ASCC3: variants seen among roughly 807,000 people sequenced by gnomAD.
The protein encoded by ASCC3 is activating signal cointegrator 1 complex subunit 3, also known as ASC-1 complex subunit P200.
A neutral mutation model predicts 256.3 loss-of-function variants in ASCC3; 158 were observed. The ratio of observed to expected loss-of-function variants is 0.62; its 90% CI spans 0.54 to 0.70. The LOEUF (loss-of-function observed/expected upper bound fraction) is 0.70. Ranked by LOEUF, ASCC3 falls within the 30% of genes least tolerant of loss-of-function variation. The pLI is 0.00. For synonymous variants in ASCC3, 948 were observed against 883.4 expected, an observed-to-expected ratio of 1.07 and a Z score of -1.30; for missense variants, 2,259 against 2,626.0, an observed-to-expected ratio of 0.86 and a Z score of 3.05.
intron 36 of ASCC3, among the ~76,000 whole-genome samples, chr6:100,543,707 T>C (rs2114670221): frequency 6.6e-6 from 1 of 151,480 alleles, no homozygotes; most frequent in East Asian, 1.9e-4. Context: ...TCAAAATCCA[T>C]GAAAAAAAAC....
chr6:100,732,032 G>T (rs547524799), intron 10 of ASCC3, among the ~76,000 whole-genome samples: 73 of 151,918 alleles, frequency 4.8e-4, no homozygotes, highest in Admixed American at 5.2e-4. Flanking sequence ...ATGGTGGTAG[G>T]CGCCTGTAAT....
At chr6:100,826,383 G>T (rs969600861) in intron 4 of ASCC3, among the ~76,000 whole-genome samples, 1 of 151,950 alleles carries the variant, frequency 6.6e-6, no homozygotes. Flanking sequence ...TGCCTGCCTC[G>T]GCCTCCCAAA....
intron 37 of ASCC3, among the ~76,000 whole-genome samples, chr6:100,527,396 T>C (rs1774630074): frequency 6.6e-6 from 1 of 152,224 alleles, no homozygotes. Flanking sequence ...ATTTGCTATA[T>C]CAAAACATTT....
At chr6:100,849,449 G>A (rs1772553619) in intron 3 of ASCC3, among the ~76,000 whole-genome samples, 1 of 152,066 alleles carries the variant, frequency 6.6e-6, no homozygotes, top group Non-Finnish European at 1.5e-5. Context: ...TTTCCAATTT[G>A]TACCATAAAC....
At chr6:100,749,798 G>T (rs1433573907) in intron 10 of ASCC3, among the ~76,000 whole-genome samples, 2 of 151,442 alleles carry the variant, frequency 1.3e-5, no homozygotes, top group Non-Finnish European at 3.0e-5. Context: ...GAGTATAATG[G>T]CACAAAGCTC....
At chr6:100,880,967 G>A (rs890024365) in intron 1 of ASCC3, 94 bp downstream of exon 1, 2 of 152,196 alleles carry the variant, frequency 1.3e-5, no homozygotes, top group Non-Finnish European at 2.9e-5. Context: ...TCTCTGGCGG[G>A]TCGCGTAGCC....
At chr6:100,598,432 C>A (rs1166557187) in intron 34 of ASCC3, among the ~76,000 whole-genome samples, 1 of 152,158 alleles carries the variant, frequency 6.6e-6, no homozygotes, top group Non-Finnish European at 1.5e-5. Context: ...TGCTAATACC[C>A]AAGAATACTC....
At chr6:100,794,823 T>TTA (rs1393874661) in intron 8 of ASCC3, among the ~76,000 whole-genome samples, 1 of 152,056 alleles carries the variant, frequency 6.6e-6, no homozygotes, top group Non-Finnish European at 1.5e-5. Flanking sequence ...AACACCCTAC[T>TTA]GACTCTTAAA....
chr6:100,819,729 T>C (rs1770944913), intron 4 of ASCC3, among the ~76,000 whole-genome samples: 1 of 152,194 alleles, frequency 6.6e-6, no homozygotes. Context: ...TGCTTTATTC[T>C]AGCCATGCTG....
intron 36 of ASCC3, among the ~76,000 whole-genome samples, chr6:100,559,714 G>A (rs191718993): frequency 1.5e-3 from 229 of 152,082 alleles, no homozygotes; most frequent in Non-Finnish European, 5.9e-4. Flanking sequence ...TCTGGACGTG[G>A]TGGTGCCTGT....
At chr6:100,571,686 T>G (rs1011856528) in intron 36 of ASCC3, among the ~76,000 whole-genome samples, 1 of 152,340 alleles carries the variant, frequency 6.6e-6, no homozygotes, top group African/African-American at 2.4e-5. Flanking sequence ...GTAAGTACCA[T>G]TGTCCAAGGT....
At chr6:100,580,979 C>G (rs1179634834) in intron 36 of ASCC3, among the ~76,000 whole-genome samples, 3 of 152,050 alleles carry the variant, frequency 2.0e-5, no homozygotes, top group African/African-American at 7.3e-5. Flanking sequence ...TCCAGTCTAT[C>G]ATTGTTGGAC....
At chr6:100,782,746 C>G (rs1410176820) in intron 8 of ASCC3, among the ~76,000 whole-genome samples, 1 of 151,806 alleles carries the variant, frequency 6.6e-6, no homozygotes, top group Non-Finnish European at 1.5e-5. Flanking sequence ...TTTCTGTTTT[C>G]TGAGATGAAA....
intron 23 of ASCC3, among the ~76,000 whole-genome samples, chr6:100,643,696 C>A (rs1216821251): frequency 6.6e-6 from 1 of 152,110 alleles, no homozygotes; most frequent in Non-Finnish European, 1.5e-5. Context: ...ACTTACCTAT[C>A]TACACATATT....
At chr6:100,717,158 A>G (rs1779124087) in intron 12 of ASCC3, among the ~76,000 whole-genome samples, 1 of 151,934 alleles carries the variant, frequency 6.6e-6, no homozygotes, top group Non-Finnish European at 1.5e-5. Flanking sequence ...CATTCATGCA[A>G]TGCAGTTACA....
intron 16 of ASCC3, among the ~76,000 whole-genome samples, chr6:100,656,352 T>A (rs912386202): frequency 1.8e-4 from 28 of 151,782 alleles, no homozygotes; most frequent in Admixed American, 1.3e-3. Context: ...AGATGTAATA[T>A]GAATACAATA....
chr6:100,803,734 C>A (rs1036294112), intron 5 of ASCC3, among the ~76,000 whole-genome samples: 6 of 151,966 alleles, frequency 3.9e-5, no homozygotes, highest in African/African-American at 1.4e-4. Context: ...TATTAGTAAT[C>A]AAGAGAATCT....
At chr6:100,749,344 C>T (rs1268046230) in intron 10 of ASCC3, among the ~76,000 whole-genome samples, 3 of 151,796 alleles carry the variant, frequency 2.0e-5, no homozygotes, top group Non-Finnish European at 4.4e-5. Context: ...TTTAACAAAA[C>T]AATATACAAT....
intron 8 of ASCC3, among the ~76,000 whole-genome samples, chr6:100,795,647 A>C (rs969367789): frequency 3.7e-4 from 56 of 152,152 alleles, no homozygotes; most frequent in African/African-American, 1.2e-3. Context: ...ATTTAATGAC[A>C]TTAATGGTAT....
Sources: gnomAD v4.1 joint callset for allele counts (sites outside exome capture counted in the v4.1 genomes callset) on GRCh38, gnomAD v4.1.1 for gene constraint, MANE v1.5 for transcripts, NCBI Gene and HGNC (gene_info 2026-07-23, HGNC 2026-07-21) for gene names.